The following DGKB variants were observed in gnomAD, a reference collection of about 807,000 sequenced individuals.
DGKB encodes 90 kDa diacylglycerol kinase.
Under a neutral mutation model 114.3 loss-of-function variants are expected in DGKB, and 67 were observed. The observed-to-expected ratio is 0.59, with a 90% CI of 0.48 to 0.72. The LOEUF (loss-of-function observed/expected upper bound fraction) is 0.72. Ranked by LOEUF, DGKB falls within the 30% of genes least tolerant of loss-of-function variation. DGKB has a pLI of 0.00. For missense variants in DGKB, 907 were observed against 975.2 expected, an observed-to-expected ratio of 0.93 and a Z score of 0.93; for synonymous variants, 398 against 323.1, an observed-to-expected ratio of 1.23 and a Z score of -2.49.
chr7:14,233,466 C>T (rs188879280), intron 23 of DGKB, among the ~76,000 whole-genome samples: 7 of 152,088 alleles, frequency 4.6e-5, no homozygotes, highest in East Asian at 1.9e-4. Flanking sequence ...ATCTTGCAAG[C>T]GTAAAGTGGG....
rs550370387 is a variant in DGKB at position 14,420,721 on chromosome 7, C to T, written c.1835+57440G>A. On this transcript the variant is annotated intron_variant, in intron 21 of 25. Transcript: ENST00000402815. ...CCTTAAACTTCTAATTGAAGTTTCA[C>T]CTATATGTGGCTGAGATGCTGATTC... Among the ~76,000 whole-genome samples the T allele has an allele frequency of 3.9e-5, 6 of 152,138 alleles. No homozygotes were observed. In the South Asian group the frequency reaches 1.2e-3, roughly 31 times the overall value.
chr7:14,821,265 T>A (rs1377707158), intron 2 of DGKB, among the ~76,000 whole-genome samples: 2 of 152,190 alleles, frequency 1.3e-5, no homozygotes, highest in Non-Finnish European at 2.9e-5. Context: ...ACTTATTGAG[T>A]GCCTATTATA....
chr7:14,261,524 T>C lies in DGKB; in HGVS notation c.2122+76991A>G, dbSNP rs1191591036. On this transcript the variant is annotated intron_variant, in intron 23 of 25. Transcript: ENST00000402815. The stretch of plus-strand genomic sequence containing the variant: ...ATTCAACAAAAACACCTAAAGTTGA[T>C]ATTTTTGCCTTTCCAGTGATTGACT... Among the ~76,000 whole-genome samples the C allele has an allele frequency of 2.6e-5, 4 of 152,294 alleles. No individual in the cohort carries two copies. In the South Asian group the frequency reaches 8.3e-4, roughly 32 times the overall value.
chr7:14,462,669 A>G (rs542638916), intron 21 of DGKB, among the ~76,000 whole-genome samples: 1 of 152,340 alleles, frequency 6.6e-6, no homozygotes, highest in East Asian at 1.9e-4. Context: ...ATACTGCCCA[A>G]AGTAATTTAG....
intron 2 of DGKB, among the ~76,000 whole-genome samples, chr7:14,838,354 T>C (rs1193437911): frequency 6.6e-6 from 1 of 152,184 alleles, no homozygotes; most frequent in Admixed American, 6.5e-5. Flanking sequence ...TATTTTATAG[T>C]AATGTTTCAT....
chr7:14,560,509 T>A (rs1796500104), intron 20 of DGKB, among the ~76,000 whole-genome samples: 1 of 152,154 alleles, frequency 6.6e-6, no homozygotes, highest in Non-Finnish European at 1.5e-5. Context: ...GTCCTCAAGG[T>A]TCATCCTTTT....
intron 21 of DGKB, among the ~76,000 whole-genome samples, chr7:14,402,191 A>G (rs1823230093): frequency 6.6e-6 from 1 of 151,836 alleles, no homozygotes; most frequent in African/African-American, 2.4e-5. Context: ...TTTTTAAAAG[A>G]AAGAAGGAAG....
At chr7:14,665,795 A>G (rs557184059) in intron 13 of DGKB, among the ~76,000 whole-genome samples, 1 of 151,846 alleles carries the variant, frequency 6.6e-6, no homozygotes, top group South Asian at 2.1e-4. Context: ...ACCTCATCAT[A>G]AAAATTATAT....
At chr7:14,294,595 A>G (rs1475386958) in intron 23 of DGKB, among the ~76,000 whole-genome samples, 1 of 152,240 alleles carries the variant, frequency 6.6e-6, no homozygotes, top group Admixed American at 6.5e-5. Context: ...TAAAGTTTAT[A>G]GGGCTAATAA....
intron 20 of DGKB, among the ~76,000 whole-genome samples, chr7:14,556,824 G>A (rs1368668514): frequency 6.6e-6 from 1 of 152,108 alleles, no homozygotes; most frequent in Admixed American, 6.6e-5. Context: ...TATTGATATT[G>A]AGGTTTTCAA....
intron 21 of DGKB, among the ~76,000 whole-genome samples, chr7:14,410,408 A>G (rs1824670726): frequency 6.6e-6 from 1 of 151,994 alleles, no homozygotes; most frequent in African/African-American, 2.4e-5. Flanking sequence ...ACCTTTTGCT[A>G]TTCCTATCTC....
At chr7:14,681,329 G>T (rs1478021165) in intron 12 of DGKB, among the ~76,000 whole-genome samples, 1 of 151,960 alleles carries the variant, frequency 6.6e-6, no homozygotes, top group African/African-American at 2.4e-5. Flanking sequence ...AGCTGAAAAT[G>T]ATTGCAGAAA....
chr7:14,192,385 T>G (rs1438155074), intron 23 of DGKB, among the ~76,000 whole-genome samples: 1 of 152,090 alleles, frequency 6.6e-6, no homozygotes, highest in Non-Finnish European at 1.5e-5. Flanking sequence ...ACTAGATACC[T>G]AGGAATATAT....
At chr7:14,823,129 T>G (rs1231118335) in intron 2 of DGKB, among the ~76,000 whole-genome samples, 1 of 151,696 alleles carries the variant, frequency 6.6e-6, no homozygotes, top group Non-Finnish European at 1.5e-5. Flanking sequence ...AAAATTAAGT[T>G]AAAAAAACTA....
At chr7:14,681,054 G>A (rs1014531173) in intron 12 of DGKB, among the ~76,000 whole-genome samples, 5 of 151,280 alleles carry the variant, frequency 3.3e-5, no homozygotes, top group Admixed American at 3.3e-4. Flanking sequence ...AAAAAAATAA[G>A]AGGAAGCTCC....
At chr7:14,756,659 G>A (rs1009507701) in intron 3 of DGKB, among the ~76,000 whole-genome samples, 2 of 151,550 alleles carry the variant, frequency 1.3e-5, no homozygotes, top group African/African-American at 4.8e-5. Flanking sequence ...TATCTTGAGG[G>A]TTATGATAAC....
At chr7:14,454,046 T>C (rs866601524) in intron 21 of DGKB, among the ~76,000 whole-genome samples, 7 of 152,166 alleles carry the variant, frequency 4.6e-5, no homozygotes, top group African/African-American at 1.2e-4. Context: ...ACATTGCAGA[T>C]ACATGTGCTA....
chr7:14,303,095 T>C (rs569188207), intron 23 of DGKB, among the ~76,000 whole-genome samples: 3 of 152,174 alleles, frequency 2.0e-5, no homozygotes, highest in Non-Finnish European at 4.4e-5. Flanking sequence ...AGACAAATTT[T>C]CATATGTGTC....
chr7:14,480,868 T>A (rs144742010), intron 20 of DGKB, among the ~76,000 whole-genome samples: 1 of 152,260 alleles, frequency 6.6e-6, no homozygotes, highest in African/African-American at 2.4e-5. Context: ...ATAGCTCATA[T>A]TTTCATACAT....
Sources: gnomAD v4.1 joint callset for allele counts (sites outside exome capture counted in the v4.1 genomes callset) on GRCh38, gnomAD v4.1.1 for gene constraint, MANE v1.5 for transcripts, NCBI Gene and HGNC (gene_info 2026-07-23, HGNC 2026-07-21) for gene names.